ASXL3: variants seen among roughly 807,000 people sequenced by gnomAD.
The protein encoded by ASXL3 is putative Polycomb group protein ASXL3.
ASXL3 carries 34 observed loss-of-function variants against 170.6 expected under a neutral mutation model. That is an observed-to-expected ratio of 0.20 (90% confidence interval 0.15 to 0.27). The LOEUF is 0.27. Among genes scored for constraint, ASXL3 ranks in the 10% least tolerant of loss-of-function variants. The pLI is 1.00. For missense variants in ASXL3, 2,592 were observed against 2,695.3 expected (o/e 0.96, Z 0.85); for synonymous variants, 1,002 against 989.1 (o/e 1.01, Z -0.24).
chr18:33,662,818 T>C (rs1474019188), intron 5 of ASXL3, among the ~76,000 whole-genome samples: 1 of 152,164 alleles, frequency 6.6e-6, no homozygotes, highest in Non-Finnish European at 1.5e-5. Flanking sequence ...AATTATGTTT[T>C]CTAAAATAGA....
chr18:33,745,694 A>T lies in ASXL3; in HGVS notation c.5846A>T (p.Gln1949Leu), dbSNP rs756431189. 1 of 1,614,010 alleles carries T rather than the reference A, an allele frequency of 6.2e-7. No homozygotes were observed. The highest frequency in any genetic ancestry group is 1.1e-5 in the South Asian group (1 of 91,092). ...RGPIPTAALL[Q>L]ASSKTPVGCN... ...CCCATTCCTACTGCAGCTCTGTTACAGGCCTCTTCCAAGACCCCAGTGGGG... is the reference window on the plus strand; with the variant it reads ...CCCATTCCTACTGCAGCTCTGTTACTGGCCTCTTCCAAGACCCCAGTGGGG... The change falls in exon 12 of 12, where the codon CAG becomes CTG. Residue 1949 changes from glutamine (Q) to leucine (L), a missense_variant. Around this residue, in one of 4 missense-constraint regions of ASXL3, gnomAD observed 2,246 missense variants for 2,219.6 expected, o/e 1.01. Coordinates refer to ENST00000269197, the MANE Select transcript of ASXL3 (RefSeq NM_030632.3).
intron 8 of ASXL3, among the ~76,000 whole-genome samples, chr18:33,717,603 A>G (rs904930702): frequency 1.3e-5 from 2 of 152,112 alleles, no homozygotes; most frequent in African/African-American, 4.8e-5. Flanking sequence ...CCAATTTTCT[A>G]ACTTGAAATC....
At chr18:33,730,847 T>C (rs930488013) in intron 8 of ASXL3, among the ~76,000 whole-genome samples, 3 of 152,134 alleles carry the variant, frequency 2.0e-5, no homozygotes, top group African/African-American at 4.8e-5. Context: ...GAGTAAACAA[T>C]AAATCAATTA....
At chr18:33,589,652 A>G (rs959753335) in intron 1 of ASXL3, among the ~76,000 whole-genome samples, 33 of 152,186 alleles carry the variant, frequency 2.2e-4, no homozygotes, top group African/African-American at 7.7e-4. Flanking sequence ...AATCTCCTTT[A>G]TATGTGCTAG....
intron 8 of ASXL3, among the ~76,000 whole-genome samples, chr18:33,716,141 T>C (rs1168887369): frequency 6.6e-6 from 1 of 152,208 alleles, no homozygotes; most frequent in African/African-American, 2.4e-5. Context: ...GATGTGTCAA[T>C]TCAGGGATAG....
chr18:33,741,967 A>G (rs2067671305), intron 11 of ASXL3, among the ~76,000 whole-genome samples: 1 of 152,198 alleles, frequency 6.6e-6, no homozygotes, highest in African/African-American at 2.4e-5. Context: ...GTGCCTCATG[A>G]ATTTGGTGAT....
At position 33,738,574 on chromosome 18, in the gene ASXL3, T is replaced by C. The variant is rs1162755232; in HGVS notation, c.1170T>C (p.Ser390=). 2 of 1,613,776 alleles carry C rather than the reference T, an allele frequency of 1.2e-6. No homozygotes were observed. Among genetic ancestry groups the C allele is most frequent in the Admixed American group, 1.7e-5 (1 of 59,956 alleles). The part of the protein sequence containing the change: ...GAQSSSSCGT[S]GLPVSAQTAL... ...AAAGTAGTTCTTCATGTGGGACTTC[T>C]GGCCTTCCAGTTTCTGCACAGACAG... The change falls in exon 11 of 12, where the codon TCT becomes TCC. Residue 390 remains serine (S), a synonymous_variant. Transcript: ENST00000269197.
intron 5 of ASXL3, among the ~76,000 whole-genome samples, chr18:33,662,011 G>A (rs1002390322): frequency 1.3e-5 from 2 of 152,082 alleles, no homozygotes; most frequent in African/African-American, 4.8e-5. Context: ...GTCTATTTAT[G>A]ATTTATAGTA....
At position 33,740,027 on chromosome 18, in the gene ASXL3, A is replaced by G. The variant is rs755775295; in HGVS notation, c.2623A>G (p.Lys875Glu). 1.2e-6 allele frequency: 2 copies of G among 1,613,938 alleles called. No homozygotes were observed. Among genetic ancestry groups the G allele is most frequent in the South Asian group, 2.2e-5 (2 of 91,086 alleles). The change falls in exon 11 of 12, where the codon AAA becomes GAA. Residue 875 changes from lysine (K) to glutamate (E), a missense_variant. This residue lies in a region of ASXL3 where 2,246 missense variants were observed against 2,219.6 expected (regional missense o/e 1.01). Transcript: ENST00000269197. The stretch of plus-strand genomic sequence containing the variant: ...TAGCGTCCTGCAAAGAACAGAAAAA[A>G]AAGTGTTACCTTCACCATTGGAATT... ...NHSVLQRTEK[K>E]VLPSPLELSV...
At chr18:33,657,686 A>G (rs2066104777) in intron 4 of ASXL3, among the ~76,000 whole-genome samples, 1 of 152,090 alleles carries the variant, frequency 6.6e-6, no homozygotes, top group Non-Finnish European at 1.5e-5. Context: ...TCTCATGGTT[A>G]CCTATAATCT....
rs2067812968 is a variant in ASXL3, at chr18:33,747,353, C to T, written c.*758C>T. Reference sequence around the variant, plus strand: ...TGATAATATGAGAGCAATTGGCCAGCCAATAGCCATAAGCCCAGAGGATTT... The same window carrying T: ...TGATAATATGAGAGCAATTGGCCAGTCAATAGCCATAAGCCCAGAGGATTT... On this transcript the variant is annotated 3_prime_UTR_variant, in exon 12 of 12. Coordinates refer to ENST00000269197, the MANE Select transcript of ASXL3 (RefSeq NM_030632.3). 6.6e-6 allele frequency: 1 copy of T among 151,258 alleles called. No homozygotes were observed. The highest frequency in any genetic ancestry group is 1.5e-5 in the Non-Finnish European group (1 of 67,936). 9.4% of individuals were successfully genotyped at this position (151,258 alleles called of 1,614,324 possible). A position where few individuals can be genotyped will look rare whatever the true frequency, so the allele number is the denominator to read the frequency against.
intron 5 of ASXL3, among the ~76,000 whole-genome samples, chr18:33,669,771 T>A (rs1316177402): frequency 6.6e-6 from 1 of 152,198 alleles, no homozygotes; most frequent in African/African-American, 2.4e-5. Context: ...TGAGGCAGTA[T>A]GAAGCCAGCC....
chr18:33,718,337 TAAAGA>T (rs1555738009), intron 8 of ASXL3, among the ~76,000 whole-genome samples: 1 of 152,154 alleles, frequency 6.6e-6, no homozygotes, highest in Non-Finnish European at 1.5e-5. Flanking sequence ...TCTCAACTGA[TAAAGA>T]AAGGAGCAGC....
chr18:33,591,593 A>G (rs2065077673), intron 1 of ASXL3, among the ~76,000 whole-genome samples: 1 of 152,122 alleles, frequency 6.6e-6, no homozygotes, highest in African/African-American at 2.4e-5. Context: ...AAATGAATGC[A>G]TAAATCTAGA....
chr18:33,618,921 T>TACC (rs1371133718), intron 2 of ASXL3, among the ~76,000 whole-genome samples: 1 of 152,196 alleles, frequency 6.6e-6, no homozygotes, highest in Non-Finnish European at 1.5e-5. Flanking sequence ...GTACCATTAA[T>TACC]TTTCTTGGCA....
intron 1 of ASXL3, among the ~76,000 whole-genome samples, chr18:33,579,874 A>G (rs1316734079): frequency 6.6e-6 from 1 of 152,140 alleles, no homozygotes; most frequent in African/African-American, 2.4e-5. Context: ...AGATTGTTTT[A>G]CTGTAACTGT....
chr18:33,612,245 G>A (rs1026471605), intron 2 of ASXL3, among the ~76,000 whole-genome samples: 1 of 151,898 alleles, frequency 6.6e-6, no homozygotes, highest in Non-Finnish European at 1.5e-5. Context: ...TGGGTTGAAA[G>A]CAAGACAATA....
chr18:33,704,640 C>T (rs898563011), intron 8 of ASXL3, among the ~76,000 whole-genome samples: 3 of 151,998 alleles, frequency 2.0e-5, no homozygotes, highest in African/African-American at 7.2e-5. Flanking sequence ...TTTTAAAACA[C>T]AAGCATTGCC....
chr18:33,611,807 A>G (rs368113177), intron 2 of ASXL3, among the ~76,000 whole-genome samples: 11 of 152,136 alleles, frequency 7.2e-5, no homozygotes, highest in African/African-American at 1.7e-4. Context: ...GGACATCCCA[A>G]TTCTGATTTT....
Sources: allele counts gnomAD v4.1 joint callset (sites outside exome capture counted in the v4.1 genomes callset), GRCh38; gene constraint gnomAD v4.1.1; regional missense constraint gnomAD v4.1.1; transcripts MANE v1.5; gene names NCBI Gene and HGNC (gene_info 2026-07-23, HGNC 2026-07-21).